Variants in SEMA4A observed in about 807,000 individuals in gnomAD.
SEMA4A encodes semaphorin-4A.
In SEMA4A, 52 loss-of-function variants were observed where a neutral mutation model predicts 72.5. The ratio of observed to expected loss-of-function variants is 0.72; its 90% CI spans 0.57 to 0.90. SEMA4A has a LOEUF of 0.90. SEMA4A is among the 40% of genes least tolerant of loss of function. SEMA4A has a pLI of 0.00. For missense variants in SEMA4A, 926 were observed against 959.7 expected (o/e 0.96, Z 0.46); for synonymous variants, 369 against 393.1 (o/e 0.94, Z 0.73).
At chr1:156,161,270 C>CG (rs1653611310) in intron 8 of SEMA4A, 76 bp from the exon 9 acceptor site, 6 of 651,978 alleles carry the variant, frequency 9.2e-6, no homozygotes, top group Non-Finnish European at 1.2e-5. Context: ...CGCCGAGCTG[C>CG]GGGGGGCGGG....
At chr1:156,164,505 C>T (rs1478648902) in intron 10 of SEMA4A, among the ~76,000 whole-genome samples, 1 of 152,154 alleles carries the variant, frequency 6.6e-6, no homozygotes, top group Non-Finnish European at 1.5e-5. Flanking sequence ...TGAAATTAGC[C>T]ATGGTGGAAG....
intron 10 of SEMA4A, among the ~76,000 whole-genome samples, chr1:156,170,297 C>T (rs1341166837): frequency 6.6e-6 from 1 of 151,712 alleles, no homozygotes; most frequent in East Asian, 1.9e-4. Flanking sequence ...AACCCCGTCT[C>T]TACTAAAAAT....
In SEMA4A at chr1:156,160,970, G is replaced by A. The variant is rs1305913570; in HGVS notation, c.751G>A (p.Ala251Thr). 1 of 1,613,024 alleles carries A rather than the reference G, an allele frequency of 6.2e-7. No homozygotes were observed. Residue 251 changes from alanine to threonine, a missense_variant, in exon 8 of 15, where the codon GCC becomes ACC. By Grantham distance (58) the Ala-to-Thr change is moderately conservative. Transcript: ENST00000368285. ...QVVYFFFEET[A>T]SEFDFFERLH... ...CGTCTACTTCTTCTTCGAGGAGACA[G>A]CCAGCGAGTTTGACTTCTTTGAGAG...
chr1:156,175,177 C>G lies in SEMA4A; in HGVS notation c.1526C>G (p.Ala509Gly), dbSNP rs749484533. Residue 509 changes from alanine (A) to glycine (G), a missense_variant, in exon 13 of 15, where the codon GCC (alanine) becomes GGC (glycine). Transcript: ENST00000368285. ...GAGAGCTGTGTGGACTGTGTCCTTG[C>G]CCGGGACCCCCACTGTGCCTGGGAC... ...VYESCVDCVL[A>G]RDPHCAWDPE... 12 of 1,614,024 alleles carry G rather than the reference C, an allele frequency of 7.4e-6. No homozygotes were observed. The highest frequency in any genetic ancestry group is 1.7e-5 in the Admixed American group (1 of 60,006).
At chr1:156,174,748 G>A (rs1655135748) in intron 11 of SEMA4A, 74 bp from the exon 12 acceptor site, 2 of 1,600,184 alleles carry the variant, frequency 1.2e-6, no homozygotes, top group Non-Finnish European at 8.6e-7. Flanking sequence ...CTTACAGCTG[G>A]GGAGGCCCCC....
In SEMA4A at chr1:156,156,392, CTCTG is replaced by C. The variant is rs1558146522; in HGVS notation, c.140-18_140-15del. Reference sequence around the variant, plus strand: ...CTGCCCACCAAGTCCTCATCACTCTCTCTGTCTTACTCCTCCAACAGGGGATGAA... The same window carrying C: ...CTGCCCACCAAGTCCTCATCACTCTCTCTTACTCCTCCAACAGGGGATGAA... On this transcript the variant is annotated intron_variant, in intron 2 of 14. Transcript: ENST00000368285. 1 of 1,613,362 alleles carries C rather than the reference CTCTG, an allele frequency of 6.2e-7. No homozygotes were observed. Among genetic ancestry groups the C allele is most frequent in the Non-Finnish European group, 8.5e-7 (1 of 1,179,316 alleles).
chr1:156,173,959 A>C (rs949514337), intron 11 of SEMA4A, among the ~76,000 whole-genome samples: 8 of 152,112 alleles, frequency 5.3e-5, no homozygotes, highest in Non-Finnish European at 1.0e-4. Flanking sequence ...AAATACAAAC[A>C]AATTAGCAGT....
In SEMA4A at chr1:156,157,450, C is replaced by T. The variant is rs1653142929; in HGVS notation, c.301-620C>T. On this transcript the variant is annotated intron_variant, in intron 3 of 14. Transcript: ENST00000368285. The surrounding 1 kb of genome is among the most constrained non-coding windows in gnomAD (Gnocchi z 4.5). ...CCATCCGCCTCAGGCTTTCTAAGTGCTGGGATTACAGGTGTGAGCCACTGT... is the reference window on the plus strand; with the variant it reads ...CCATCCGCCTCAGGCTTTCTAAGTGTTGGGATTACAGGTGTGAGCCACTGT... 6.6e-6 allele frequency among the ~76,000 whole-genome samples: 1 copy of T among 152,146 alleles called. No individual in the cohort carries two copies. The highest frequency in any genetic ancestry group is 6.6e-5 in the Admixed American group (1 of 15,262).
chr1:156,163,720 CAAAA>C (rs34408918), intron 10 of SEMA4A, among the ~76,000 whole-genome samples: 1 of 17,754 alleles, frequency 5.6e-5, no homozygotes, highest in African/African-American at 2.2e-4. Flanking sequence ...GACTCAGTCT[CAAAA>C]AAAAAAAAAA....
Position 156,157,635 on chromosome 1 carries a change from A to T in SEMA4A, c.301-435A>T, listed in dbSNP as rs1653163727. On this transcript the variant is annotated intron_variant, in intron 3 of 14. Transcript: ENST00000368285. This position sits in a 1 kb window ranked among gnomAD's most constrained non-coding sequence, Gnocchi z 4.5. ...CACCTGCACATATGAGATGCTGGTT[A>T]AAAATGCAGATTCTCTAAGGCGTGA... Among the ~76,000 whole-genome samples, 1 of 152,234 alleles carries T rather than the reference A, an allele frequency of 6.6e-6. No homozygotes were observed. The highest frequency in any genetic ancestry group is 2.4e-5 in the African/African-American group (1 of 41,466).
intron 13 of SEMA4A, 39 bp from the exon 14 acceptor site, chr1:156,175,517 T>A: frequency 6.6e-7 from 1 of 1,520,996 alleles, no homozygotes; most frequent in Non-Finnish European, 9.1e-7. Context: ...CACTTTCAGC[T>A]CTTTTGAAGG....
intron 10 of SEMA4A, among the ~76,000 whole-genome samples, chr1:156,166,122 G>A (rs574968605): frequency 6.6e-6 from 1 of 152,134 alleles, no homozygotes; most frequent in East Asian, 1.9e-4. Context: ...GCCCAGGCTG[G>A]TCTCAAACTC....
intron 10 of SEMA4A, among the ~76,000 whole-genome samples, chr1:156,165,580 G>T (rs972052225): frequency 3.9e-5 from 6 of 152,054 alleles, no homozygotes; most frequent in Non-Finnish European, 7.4e-5. Flanking sequence ...AGCTTCCAGA[G>T]GTACTGTTGA....
intron 1 of SEMA4A, chr1:156,154,343 A>T (rs182927065): frequency 6.1e-4 from 358 of 589,486 alleles, no homozygotes; most frequent in Admixed American, 2.3e-3. Context: ...CCCATAGGGG[A>T]CAGTGAGGTG....
At position 156,161,524 on chromosome 1, in the gene SEMA4A, C is replaced by A. The variant is rs757443273; in HGVS notation, c.983+6C>A. ...GCAGTCTTCACCTCCCAGTGGTGAG[C>A]AGCAGGGCTGGACCATGGGGGCTGG... On this transcript the variant is annotated splice_donor_region_variant and intron_variant, in intron 9 of 14. Coordinates refer to ENST00000368285, the MANE Select transcript of SEMA4A (RefSeq NM_022367.4). 1.9e-6 allele frequency: 3 copies of A among 1,613,590 alleles called. No homozygotes were observed. In the African/African-American group the frequency reaches 4.0e-5, roughly 22 times the overall value.
intron 12 of SEMA4A, 54 bp downstream of exon 12, chr1:156,174,994 C>A: frequency 1.2e-6 from 2 of 1,614,180 alleles, no homozygotes; most frequent in Non-Finnish European, 1.7e-6. Context: ...GCCTTGGGGG[C>A]CTGTTGGGCT....
In SEMA4A at chr1:156,176,617, A is replaced by T; in HGVS notation, c.1906A>T (p.Ile636Phe). ...TGAGAATGGCTTTTCATACCCTGTG[A>T]TCTCCTACTGGGTGGACAGCCAGGA... ...ATENGFSYPV[I>F]SYWVDSQDQT... Residue 636 changes from isoleucine to phenylalanine, a missense_variant, in exon 15 of 15, where the codon ATC (isoleucine) becomes TTC (phenylalanine). Transcript: ENST00000368285. 1 of 1,614,060 alleles carries T rather than the reference A, an allele frequency of 6.2e-7. No homozygotes were observed. Among genetic ancestry groups the T allele is most frequent in the Non-Finnish European group, 8.5e-7 (1 of 1,179,984 alleles).
At chr1:156,152,247 G>A (rs144552753), upstream of SEMA4A, among the ~76,000 whole-genome samples, 199 of 152,312 alleles carry the variant, frequency 1.3e-3, 2 homozygotes, top group African/African-American at 4.5e-3. Context: ...GGAAGAGGAC[G>A]TCCGGAGTTG....
At chr1:156,154,831 A>T in intron 2 of SEMA4A, 114 bp downstream of exon 2, 1 of 1,234,158 alleles carries the variant, frequency 8.1e-7, no homozygotes, top group Non-Finnish European at 1.1e-6. Context: ...ACAGGGACAC[A>T]GAGAGAGATG....
Sources: allele counts gnomAD v4.1 joint callset (sites outside exome capture counted in the v4.1 genomes callset), GRCh38; gene constraint gnomAD v4.1.1; non-coding constraint Gnocchi (gnomAD v3.1); transcripts MANE v1.5; gene names NCBI Gene and HGNC (gene_info 2026-07-23, HGNC 2026-07-21).